The following CCDC30 variants were observed in gnomAD, a reference collection of about 807,000 sequenced individuals.
CCDC30 encodes the protein coiled-coil domain-containing protein 30.
In CCDC30, 70 loss-of-function variants were observed where a neutral mutation model predicts 100.2. The ratio of observed to expected loss-of-function variants is 0.70; its 90% confidence interval spans 0.58 to 0.85. The LOEUF (loss-of-function observed/expected upper bound fraction) is 0.85, where lower values mean the gene tolerates loss of function less well. Among genes scored for constraint, CCDC30 ranks in the 40% least tolerant of loss-of-function variants. The pLI is 0.00. For missense variants in CCDC30, 652 were observed against 771.2 expected, an observed-to-expected ratio of 0.85 and a Z score of 1.83; for synonymous variants, 233 against 269.5, an observed-to-expected ratio of 0.86 and a Z score of 1.33.
chr1:42,471,037 T>C (rs1027333916), intron 1 of CCDC30, among the ~76,000 whole-genome samples: 1 of 152,176 alleles, frequency 6.6e-6, no homozygotes, highest in Non-Finnish European at 1.5e-5. Flanking sequence ...GAGTTTAGGA[T>C]GGCAGGGTTT....
intron 6 of CCDC30, among the ~76,000 whole-genome samples, chr1:42,508,181 C>T (rs1489149385): frequency 1.3e-5 from 2 of 152,194 alleles, no homozygotes; most frequent in South Asian, 2.1e-4. Context: ...TAAGCTGGCA[C>T]AGCTGAAGGC....
At chr1:42,520,606 A>G (rs961493908) in intron 6 of CCDC30, among the ~76,000 whole-genome samples, 9 of 144,888 alleles carry the variant, frequency 6.2e-5, no homozygotes, top group Non-Finnish European at 1.3e-4. Context: ...CTAAGATTAC[A>G]GGCATGAGCC....
At chr1:42,457,149 C>T in the CCDC30 span, 1 of 1,591,662 alleles carries the variant, frequency 6.3e-7, no homozygotes, top group East Asian at 2.2e-5. Flanking sequence ...TTACCTCCTG[C>T]TTACCCACGG....
the CCDC30 span, chr1:42,457,471 G>A: frequency 3.6e-6 from 3 of 826,108 alleles, no homozygotes; most frequent in South Asian, 4.4e-5. Context: ...ATACAGAGAT[G>A]AATAAGACAC....
intron 9 of CCDC30, among the ~76,000 whole-genome samples, chr1:42,582,493 C>T (rs1315211411): frequency 6.6e-6 from 1 of 152,182 alleles, no homozygotes; most frequent in Admixed American, 6.5e-5. Context: ...CATCAAAACT[C>T]TTGGAAAATT....
chr1:42,527,758 GA>G (rs1375797432), intron 6 of CCDC30, among the ~76,000 whole-genome samples: 1 of 152,098 alleles, frequency 6.6e-6, no homozygotes, highest in Non-Finnish European at 1.5e-5. Flanking sequence ...TAATGATGTT[GA>G]GTATTGCTCC....
intron 11 of CCDC30, among the ~76,000 whole-genome samples, chr1:42,629,015 A>AT (rs1646984308): frequency 6.6e-6 from 1 of 152,042 alleles, no homozygotes; most frequent in Non-Finnish European, 1.5e-5. Context: ...TGTAGTCATT[A>AT]TTTTTTATTG....
At chr1:42,501,825 C>G (rs1294459465) in intron 6 of CCDC30, among the ~76,000 whole-genome samples, 2 of 152,164 alleles carry the variant, frequency 1.3e-5, no homozygotes, top group African/African-American at 4.8e-5. Flanking sequence ...AGCTTTGTCT[C>G]AGAGGGGCAC....
chr1:42,636,715 C>A (rs1647163401), intron 11 of CCDC30, among the ~76,000 whole-genome samples: 1 of 152,074 alleles, frequency 6.6e-6, no homozygotes, highest in Non-Finnish European at 1.5e-5. Flanking sequence ...TGCCTGTAAT[C>A]CCAGCATCTT....
chr1:42,457,334 C>G, the CCDC30 span: 8 of 1,614,084 alleles, frequency 5.0e-6, no homozygotes, highest in Admixed American at 3.3e-5. Flanking sequence ...ATCCAGTCAT[C>G]TGGGGGCCCA....
intron 6 of CCDC30, among the ~76,000 whole-genome samples, chr1:42,563,651 C>T (rs573924842): frequency 3.3e-5 from 5 of 152,212 alleles, no homozygotes; most frequent in East Asian, 3.9e-4. Context: ...GAGGCCAAGG[C>T]GGGTGGATCA....
chr1:42,528,659 T>C (rs766323113), intron 6 of CCDC30, among the ~76,000 whole-genome samples: 1 of 152,222 alleles, frequency 6.6e-6, no homozygotes. Flanking sequence ...TTGGGCAGAA[T>C]TGGGTGGGCC....
At chr1:42,571,661 A>G (rs1301270848) in intron 7 of CCDC30, among the ~76,000 whole-genome samples, 1 of 152,232 alleles carries the variant, frequency 6.6e-6, no homozygotes, top group Non-Finnish European at 1.5e-5. Flanking sequence ...TGATCCACCA[A>G]TGATATCAAG....
intron 6 of CCDC30, among the ~76,000 whole-genome samples, chr1:42,529,079 TC>T (rs1179189209): frequency 1.3e-4 from 20 of 152,346 alleles, no homozygotes; most frequent in African/African-American, 4.6e-4. Context: ...ACTCTAATAA[TC>T]CTTTCACTTA....
At chr1:42,540,985 A>G (rs1329516769) in intron 6 of CCDC30, among the ~76,000 whole-genome samples, 1 of 152,200 alleles carries the variant, frequency 6.6e-6, no homozygotes, top group Non-Finnish European at 1.5e-5. Context: ...AATCTGCAAA[A>G]GTTCCTCAGT....
At chr1:42,591,992 C>T (rs939105237) in intron 10 of CCDC30, 4 of 152,234 alleles carry the variant, frequency 2.6e-5, no homozygotes, top group Admixed American at 1.3e-4. Flanking sequence ...TTGACTCTTT[C>T]TTTTGGCTAA....
chr1:42,516,667 AT>A (rs143585823), intron 6 of CCDC30, among the ~76,000 whole-genome samples: 20,629 of 150,166 alleles, frequency 0.14, 1,541 homozygotes, highest in East Asian at 0.19. Context: ...CTCCTCTTCC[AT>A]TTTTCACCAT....
chr1:42,634,599 G>T (rs748545388), intron 11 of CCDC30, among the ~76,000 whole-genome samples: 2 of 152,116 alleles, frequency 1.3e-5, no homozygotes, highest in African/African-American at 2.4e-5. Flanking sequence ...TGGTAGTATG[G>T]ATGCTTTAAT....
At chr1:42,614,701 C>A (rs541451033) in intron 11 of CCDC30, among the ~76,000 whole-genome samples, 204 of 151,556 alleles carry the variant, frequency 1.3e-3, no homozygotes, top group African/African-American at 4.9e-3. Flanking sequence ...GCAAGAGGAC[C>A]ACTTGAGCCC....
Sources: allele counts gnomAD v4.1 joint callset (sites outside exome capture counted in the v4.1 genomes callset), GRCh38; gene constraint gnomAD v4.1.1; transcripts MANE v1.5; gene names NCBI Gene and HGNC (gene_info 2026-07-23, HGNC 2026-07-21).